PHLPP1: variants seen among roughly 807,000 people sequenced by gnomAD.
The protein encoded by PHLPP1 is PH domain and leucine rich repeat protein phosphatase 1, also known as PH domain leucine-rich repeat-containing protein phosphatase 1.
PHLPP1 carries 42 observed loss-of-function variants against 117.2 expected under a neutral mutation model. That is an observed-to-expected ratio of 0.36 (90% CI 0.28 to 0.46). The LOEUF is 0.46. PHLPP1 is among the 20% of genes least tolerant of loss of function. PHLPP1 has a pLI of 1.00. For synonymous variants in PHLPP1, 1,042 were observed against 970.7 expected, an observed-to-expected ratio of 1.07 and a Z score of -1.37; for missense variants, 2,084 against 2,241.9, an observed-to-expected ratio of 0.93 and a Z score of 1.42.
chr18:62,920,233 G>A (rs1909422166), intron 10 of PHLPP1, 119 bp downstream of exon 10: 3 of 1,002,522 alleles, frequency 3.0e-6, no homozygotes, highest in South Asian at 3.0e-5. Context: ...CCAGATTTGT[G>A]AAGGAAATAG....
chr18:62,835,379 T>G (rs1229110394), intron 2 of PHLPP1, among the ~76,000 whole-genome samples: 1 of 151,914 alleles, frequency 6.6e-6, no homozygotes, highest in Admixed American at 6.6e-5. Flanking sequence ...AATTTTTGTA[T>G]TTTTAGTAGA....
chr18:62,890,451 A>G (rs1410291889), intron 4 of PHLPP1, among the ~76,000 whole-genome samples: 3 of 151,990 alleles, frequency 2.0e-5, no homozygotes, highest in Non-Finnish European at 4.4e-5. Context: ...TTTTTAGTAG[A>G]GATGGGGTCT....
chr18:62,801,683 G>A (rs1034834372), intron 1 of PHLPP1, among the ~76,000 whole-genome samples: 1 of 151,302 alleles, frequency 6.6e-6, no homozygotes, highest in Non-Finnish European at 1.5e-5. Context: ...AACTCCTGAC[G>A]TCAAGTGGTC....
intron 14 of PHLPP1, among the ~76,000 whole-genome samples, chr18:62,970,480 T>A (rs1433345750): frequency 6.6e-6 from 1 of 152,090 alleles, no homozygotes; most frequent in East Asian, 1.9e-4. Flanking sequence ...AATAAGAAAA[T>A]GAGGCTGGGC....
Position 62,975,542 on chromosome 18 carries a change from C to T in PHLPP1, c.3901C>T (p.Pro1301Ser). Residue 1301 changes from proline to serine, a missense_variant, in exon 16 of 17, where the codon CCG (proline) becomes TCG (serine). Physicochemically the swap from Pro to Ser is moderately conservative, Grantham distance 74. Transcript: ENST00000262719. The stretch of plus-strand genomic sequence containing the variant: ...AACAGTTCTCTGTCGAAATGGAAAG[C>T]CGCTGCCTCTGTCCAGATCTTACAT... ...CQTVLCRNGK[P>S]LPLSRSYIMS... 1.2e-6 allele frequency: 2 copies of T among 1,613,886 alleles called. No individual in the cohort carries two copies. The highest frequency in any genetic ancestry group is 1.7e-6 in the Non-Finnish European group (2 of 1,179,780).
At chr18:62,773,749 G>C (rs1048458102) in intron 1 of PHLPP1, among the ~76,000 whole-genome samples, 1 of 152,146 alleles carries the variant, frequency 6.6e-6, no homozygotes, top group Non-Finnish European at 1.5e-5. Context: ...GTCTTAGTTC[G>C]TTTAGGCTGC....
chr18:62,879,208 A>C (rs1916116101), intron 4 of PHLPP1, among the ~76,000 whole-genome samples: 1 of 152,170 alleles, frequency 6.6e-6, no homozygotes, highest in African/African-American at 2.4e-5. Flanking sequence ...CTCTACCTTC[A>C]TGAATGTATT....
chr18:62,788,727 T>C (rs1568117806), intron 1 of PHLPP1, among the ~76,000 whole-genome samples: 1 of 152,228 alleles, frequency 6.6e-6, no homozygotes, highest in Non-Finnish European at 1.5e-5. Context: ...ACTTGTCTTT[T>C]TGGTACTGGT....
intron 1 of PHLPP1, among the ~76,000 whole-genome samples, chr18:62,750,804 C>T (rs889660846): frequency 2.0e-5 from 3 of 151,828 alleles, no homozygotes; most frequent in Non-Finnish European, 2.9e-5. Flanking sequence ...CAAAAAACTC[C>T]CTGCTTTATT....
Position 62,716,014 on chromosome 18 carries a change from G to A in PHLPP1, c.331G>A (p.Gly111Arg), listed in dbSNP as rs891860721. The stretch of plus-strand genomic sequence containing the variant: ...TGCCGGCGGGGCTGCCCCCGTACCC[G>A]GGGCCGGCGGCGGCGCCAACTCCCT... ...PIAGGAAPVP[G>R]AGGGANSLLL... Residue 111 changes from glycine to arginine, a missense_variant, in exon 1 of 17, where the codon GGG becomes AGG. Around this residue, in one of 2 missense-constraint regions of PHLPP1, gnomAD observed 719 missense variants for 636.0 expected, o/e 1.13. Transcript: ENST00000262719. The surrounding 1 kb of genome is among the most constrained non-coding windows in gnomAD (Gnocchi z 5.7). The A allele has an allele frequency of 1.6e-4, 219 of 1,383,274 alleles. No individual in the cohort carries two copies. Among genetic ancestry groups the A allele is most frequent in the Non-Finnish European group, 1.9e-4 (207 of 1,077,182 alleles). 85.7% of individuals were successfully genotyped at this position (1,383,274 alleles called of 1,614,324 possible). A position where few individuals can be genotyped will look rare whatever the true frequency, so the allele number is the denominator to read the frequency against.
intron 12 of PHLPP1, among the ~76,000 whole-genome samples, chr18:62,951,506 A>G (rs973378635): frequency 6.6e-6 from 1 of 152,186 alleles, no homozygotes; most frequent in Non-Finnish European, 1.5e-5. Context: ...CCTCAGAAGA[A>G]GTGATCTGTG....
At chr18:62,952,755 T>C (rs1910500337) in intron 12 of PHLPP1, among the ~76,000 whole-genome samples, 1 of 152,144 alleles carries the variant, frequency 6.6e-6, no homozygotes, top group African/African-American at 2.4e-5. Flanking sequence ...GCTTCCTGAG[T>C]AGCTGAGACT....
intron 8 of PHLPP1, 125 bp downstream of exon 8, chr18:62,905,409 A>G (rs79936092): frequency 4.1e-5 from 18 of 435,394 alleles, no homozygotes; most frequent in African/African-American, 3.6e-4. Flanking sequence ...AATGATTTTT[A>G]CTTTATTCTC....
intron 15 of PHLPP1, among the ~76,000 whole-genome samples, chr18:62,975,073 A>G (rs944674081): frequency 7.9e-5 from 12 of 152,182 alleles, no homozygotes; most frequent in African/African-American, 2.7e-4. Flanking sequence ...GTGTGCTGAT[A>G]GGGCAGTGTG....
At chr18:62,796,045 C>T (rs749474414) in intron 1 of PHLPP1, among the ~76,000 whole-genome samples, 6 of 152,240 alleles carry the variant, frequency 3.9e-5, no homozygotes, top group Non-Finnish European at 8.8e-5. Context: ...GCTTCCCATA[C>T]TCTGACCACT....
chr18:62,948,168 T>C (rs1910354301), intron 12 of PHLPP1, among the ~76,000 whole-genome samples: 1 of 151,844 alleles, frequency 6.6e-6, no homozygotes. Flanking sequence ...CTACTAAAAA[T>C]ACAAAAATTA....
intron 1 of PHLPP1, among the ~76,000 whole-genome samples, chr18:62,806,011 C>G (rs2144306204): frequency 6.6e-6 from 1 of 152,022 alleles, no homozygotes; most frequent in East Asian, 1.9e-4. Context: ...AATGGTTGTT[C>G]TGTTTCTTTT....
chr18:62,808,176 C>G (rs903783166), intron 1 of PHLPP1, among the ~76,000 whole-genome samples: 21 of 151,966 alleles, frequency 1.4e-4, no homozygotes, highest in African/African-American at 5.1e-4. Context: ...CCAAGACACT[C>G]AATGAATGGA....
chr18:62,770,740 T>G (rs1208648351), intron 1 of PHLPP1, among the ~76,000 whole-genome samples: 1 of 151,880 alleles, frequency 6.6e-6, no homozygotes, highest in Admixed American at 6.6e-5. Context: ...GGAATTTTTT[T>G]GGGGGGGGTG....
Sources: gnomAD v4.1 joint callset for allele counts (sites outside exome capture counted in the v4.1 genomes callset) on GRCh38, gnomAD v4.1.1 for gene constraint, gnomAD v4.1.1 regional missense constraint, Gnocchi (gnomAD v3.1) non-coding constraint, MANE v1.5 for transcripts, NCBI Gene and HGNC (gene_info 2026-07-23, HGNC 2026-07-21) for gene names.